The following GRAMD2B variants were observed in gnomAD, a reference collection of about 807,000 sequenced individuals.
The protein encoded by GRAMD2B is GRAM domain containing 2B, also known as GRAM domain-containing protein 2B.
A neutral mutation model predicts 59.2 loss-of-function variants in GRAMD2B; 41 were observed. The observed-to-expected ratio is 0.69, with a 90% CI of 0.54 to 0.90. GRAMD2B has a LOEUF of 0.90. Ranked by LOEUF, GRAMD2B falls within the 40% of genes least tolerant of loss-of-function variation. The probability of loss-of-function intolerance (pLI) is 0.00; values close to 1 mark genes in which losing one functional copy is unlikely to be tolerated. For synonymous variants in GRAMD2B, 161 were observed against 182.7 expected (o/e 0.88, Z 0.96); for missense variants, 424 against 500.5 (o/e 0.85, Z 1.46).
intron 1 of GRAMD2B, among the ~76,000 whole-genome samples, chr5:126,378,988 A>G (rs1755434904): frequency 6.6e-6 from 1 of 151,960 alleles, no homozygotes; most frequent in Non-Finnish European, 1.5e-5. Context: ...GATTTCTGAG[A>G]TTTTGGTGCA....
intron 1 of GRAMD2B, among the ~76,000 whole-genome samples, chr5:126,448,261 C>A (rs1287774478): frequency 6.6e-6 from 1 of 151,970 alleles, no homozygotes; most frequent in African/African-American, 2.4e-5. Flanking sequence ...GTCCTTAGGA[C>A]CTAGAGGGGG....
intron 1 of GRAMD2B, 94 bp from the exon 2 acceptor site, chr5:126,465,332 T>C: frequency 6.3e-7 from 1 of 1,585,594 alleles, no homozygotes; most frequent in Non-Finnish European, 8.6e-7. Context: ...ATGAAAATCA[T>C]TCCATTCTCT....
intron 5 of GRAMD2B, among the ~76,000 whole-genome samples, chr5:126,476,888 C>T (rs1193974034): frequency 6.6e-6 from 1 of 152,056 alleles, no homozygotes; most frequent in Non-Finnish European, 1.5e-5. Context: ...TCACTTAATC[C>T]ACAGAAAATC....
At chr5:126,474,011 C>G (rs1770107930) in intron 5 of GRAMD2B, among the ~76,000 whole-genome samples, 1 of 152,212 alleles carries the variant, frequency 6.6e-6, no homozygotes. Flanking sequence ...GGAGAACAGC[C>G]TAAAGGAATT....
chr5:126,459,599 T>C (rs1352110763), intron 1 of GRAMD2B, among the ~76,000 whole-genome samples: 7 of 152,172 alleles, frequency 4.6e-5, no homozygotes, highest in Non-Finnish European at 8.8e-5. Context: ...TTTTAATAAG[T>C]GCTTAAATAT....
At chr5:126,411,156 G>T (rs920732134) in intron 1 of GRAMD2B, among the ~76,000 whole-genome samples, 21 of 151,890 alleles carry the variant, frequency 1.4e-4, no homozygotes, top group African/African-American at 5.1e-4. Flanking sequence ...TGCTTTTGAG[G>T]ATAATCATAA....
intron 1 of GRAMD2B, among the ~76,000 whole-genome samples, chr5:126,437,002 A>G (rs1477781628): frequency 6.6e-6 from 1 of 152,246 alleles, no homozygotes; most frequent in African/African-American, 2.4e-5. Context: ...AAAGGGCAGC[A>G]CATAAGGCAG....
intron 1 of GRAMD2B, among the ~76,000 whole-genome samples, chr5:126,405,655 T>C (rs570359411): frequency 1.3e-5 from 2 of 151,974 alleles, no homozygotes; most frequent in South Asian, 4.1e-4. Context: ...CCTTTGGCAG[T>C]AGATGGCAAA....
intron 1 of GRAMD2B, among the ~76,000 whole-genome samples, chr5:126,385,894 C>T (rs1756084624): frequency 6.6e-6 from 1 of 151,978 alleles, no homozygotes; most frequent in African/African-American, 2.4e-5. Context: ...AGGTAGAATC[C>T]CATTTGTAGA....
At chr5:126,450,996 G>T (rs990506130) in intron 1 of GRAMD2B, among the ~76,000 whole-genome samples, 1 of 152,280 alleles carries the variant, frequency 6.6e-6, no homozygotes, top group African/African-American at 2.4e-5. Flanking sequence ...ACAGGGCACT[G>T]CCTAGTGGAA....
Position 126,399,826 on chromosome 5 carries a change from A to G in GRAMD2B, c.125+28259A>G, listed in dbSNP as rs998323755. 3.9e-5 allele frequency among the ~76,000 whole-genome samples: 6 copies of G among 152,124 alleles called. No individual in the cohort carries two copies. The East Asian group carries it at 1.2e-3, about 29-fold the overall frequency. On this transcript the variant is annotated intron_variant, in intron 1 of 8. Transcript: ENST00000506445. Reference sequence around the variant, plus strand: ...CTTTTGGTTACCATTTGCATGAAATATCTTTTTTTAGCCATTCACTTTCAT... The same window carrying G: ...CTTTTGGTTACCATTTGCATGAAATGTCTTTTTTTAGCCATTCACTTTCAT...
chr5:126,472,364 T>G, intron 4 of GRAMD2B, 60 bp downstream of exon 4: 1 of 1,411,714 alleles, frequency 7.1e-7, no homozygotes, highest in East Asian at 2.3e-5. Context: ...TCATTAGTTT[T>G]GGGGAAGAAA....
At position 126,453,170 on chromosome 5, in the gene GRAMD2B, A is replaced by G. The variant is rs146988327; in HGVS notation, c.84-12256A>G. Among the ~76,000 whole-genome samples, 1,076 of 152,250 alleles carry G rather than the reference A, an allele frequency of 7.1e-3. 14 individuals carry two copies. Among genetic ancestry groups the G allele is most frequent in the African/African-American group, 0.024 (996 of 41,520 alleles). ...GCCAACATGGTGAAATTCTGTCTCTATTAAAAATACAAAAATTAACTGGGC... is the reference window on the plus strand; with the variant it reads ...GCCAACATGGTGAAATTCTGTCTCTGTTAAAAATACAAAAATTAACTGGGC... On this transcript the variant is annotated intron_variant, in intron 1 of 13. Coordinates refer to ENST00000285689, the MANE Select transcript of GRAMD2B (RefSeq NM_023927.4).
chr5:126,436,015 C>A (rs1037512052), intron 1 of GRAMD2B, among the ~76,000 whole-genome samples: 1 of 152,164 alleles, frequency 6.6e-6, no homozygotes, highest in Non-Finnish European at 1.5e-5. Context: ...ATAATTTAAA[C>A]CTATAATACA....
At chr5:126,363,781 A>G (rs574085903) in intron 1 of GRAMD2B, among the ~76,000 whole-genome samples, 1 of 152,318 alleles carries the variant, frequency 6.6e-6, no homozygotes, top group East Asian at 1.9e-4. Flanking sequence ...GAGAAAGTAA[A>G]TTAGTAGGTT....
intron 2 of GRAMD2B, among the ~76,000 whole-genome samples, chr5:126,467,201 G>A (rs1007982910): frequency 3.3e-5 from 5 of 152,096 alleles, no homozygotes; most frequent in African/African-American, 1.2e-4. Context: ...CTTGAACCCA[G>A]AAAGTGGAGG....
exon 1 of GRAMD2B, chr5:126,360,156 C>T (rs1030291767): frequency 2.6e-5 from 16 of 620,526 alleles, no homozygotes; most frequent in South Asian, 6.3e-5. Flanking sequence ...GTTTCAAGTG[C>T]GGCTGGTGCC....
chr5:126,371,343 G>A (rs1323277300), exon 1 of GRAMD2B: 4 of 1,166,802 alleles, frequency 3.4e-6, no homozygotes, highest in African/African-American at 3.2e-5. Flanking sequence ...GCAATTCAAG[G>A]ACTGTACAAA....
At chr5:126,390,264 C>A (rs970473383) in intron 1 of GRAMD2B, among the ~76,000 whole-genome samples, 1 of 152,046 alleles carries the variant, frequency 6.6e-6, no homozygotes, top group Non-Finnish European at 1.5e-5. Flanking sequence ...GCTTCTGTAC[C>A]CATGAACACC....
Sources: allele counts gnomAD v4.1 joint callset (sites outside exome capture counted in the v4.1 genomes callset), GRCh38; gene constraint gnomAD v4.1.1; transcripts MANE v1.5; gene names NCBI Gene and HGNC (gene_info 2026-07-23, HGNC 2026-07-21).